STAG2: variants seen among roughly 807,000 people sequenced by gnomAD.
STAG2 encodes STAG2 cohesin complex component.
Under a neutral mutation model 108.1 loss-of-function variants are expected in STAG2, and 14 were observed. The observed-to-expected ratio is 0.13, with a 90% CI of 0.09 to 0.20. STAG2 has a LOEUF of 0.20. STAG2 is among the 10% of genes least tolerant of loss of function. The pLI is 1.00. For missense variants in STAG2, 440 were observed against 940.9 expected (o/e 0.47, Z 6.96); for synonymous variants, 307 against 302.7 (o/e 1.01, Z -0.15).
chrX:123,991,438 C>T (rs1389326890), intron 1 of STAG2, among the ~76,000 whole-genome samples: 2 of 110,246 alleles, frequency 1.8e-5, no homozygotes, highest in Non-Finnish European at 3.8e-5. Context: ...CTGCAACCTC[C>T]GCCTCCCGGG....
chrX:123,982,937 T>G (rs1442830743), intron 1 of STAG2, among the ~76,000 whole-genome samples: 1 of 111,018 alleles, frequency 9.0e-6, no homozygotes, highest in Non-Finnish European at 1.9e-5. Flanking sequence ...CATGAACATT[T>G]TTAAAGCTCT....
intron 1 of STAG2, among the ~76,000 whole-genome samples, chrX:124,018,380 C>G (rs886700608): frequency 9.0e-6 from 1 of 111,718 alleles, no homozygotes; most frequent in African/African-American, 3.3e-5. Flanking sequence ...CAGCTGAAGT[C>G]AAATGGTATT....
At chrX:123,981,498 G>C (rs2054874858) in intron 1 of STAG2, among the ~76,000 whole-genome samples, 1 of 111,713 alleles carries the variant, frequency 9.0e-6, no homozygotes, top group Non-Finnish European at 1.9e-5. Context: ...TTTTAAAAGT[G>C]AATAATATTC....
upstream of STAG2, chrX:123,960,602 CAAAAAAAAAAAAAA>C (rs1208693829): frequency 4.3e-4 from 3 of 7,012 alleles, no homozygotes; most frequent in Non-Finnish European, 7.2e-4. Context: ...GAAGCGCCAC[CAAAAAAAAAAAAAA>C]AAAAAAAAAA....
chrX:124,082,719 CTCCTT>C (rs926087434), intron 28 of STAG2, among the ~76,000 whole-genome samples: 3 of 111,579 alleles, frequency 2.7e-5, no homozygotes, highest in African/African-American at 9.8e-5. Flanking sequence ...AATTAACTCT[CTCCTT>C]TCACTTTCTT....
chrX:124,050,634 TAAAAAA>T (rs59817792), intron 11 of STAG2, among the ~76,000 whole-genome samples: 5 of 108,730 alleles, frequency 4.6e-5, no homozygotes, highest in African/African-American at 1.7e-4. Context: ...GCTATATACT[TAAAAAA>T]AAAATTATTC....
chrX:123,986,881 C>T (rs1173475888), intron 1 of STAG2, among the ~76,000 whole-genome samples: 1 of 110,194 alleles, frequency 9.1e-6, no homozygotes, highest in Non-Finnish European at 1.9e-5. Context: ...TGAAACAGGG[C>T]CTGCGCAGTT....
chrX:123,973,410 C>T (rs960266757), intron 1 of STAG2, among the ~76,000 whole-genome samples: 2 of 108,066 alleles, frequency 1.9e-5, no homozygotes, highest in African/African-American at 6.8e-5. Context: ...GGCATGGTGG[C>T]GCGTGCCTGT....
intron 1 of STAG2, among the ~76,000 whole-genome samples, chrX:124,014,368 T>A (rs976894973): frequency 9.6e-6 from 1 of 103,760 alleles, no homozygotes. Flanking sequence ...ATGTATAAAA[T>A]TTTTTTTTTT....
intron 32 of STAG2, among the ~76,000 whole-genome samples, chrX:124,093,417 C>CTTT (rs2059303090): frequency 9.3e-6 from 1 of 107,526 alleles, no homozygotes; most frequent in African/African-American, 3.4e-5. Context: ...TCTCTGTTTG[C>CTTT]CATGGTAGAC....
chrX:124,064,819 C>G (rs927853885), intron 20 of STAG2, among the ~76,000 whole-genome samples: 1 of 111,380 alleles, frequency 9.0e-6, no homozygotes, highest in African/African-American at 3.3e-5. Context: ...CCTGTGTTTT[C>G]TCTTGTATTT....
intron 1 of STAG2, among the ~76,000 whole-genome samples, chrX:124,002,865 A>G (rs1324810530): frequency 5.0e-5 from 5 of 99,582 alleles, no homozygotes; most frequent in Non-Finnish European, 1.0e-4. Flanking sequence ...CTTGTTGGCC[A>G]GGCTGGTCTT....
intron 1 of STAG2, among the ~76,000 whole-genome samples, chrX:123,969,979 T>A (rs1434089250): frequency 1.1e-4 from 11 of 97,640 alleles, no homozygotes; most frequent in Admixed American, 3.4e-4. Flanking sequence ...TTTTTTTTTT[T>A]AATTGTAACT....
At chrX:124,010,007 T>C (rs1569502182) in intron 1 of STAG2, among the ~76,000 whole-genome samples, 1 of 111,606 alleles carries the variant, frequency 9.0e-6, no homozygotes, top group African/African-American at 3.3e-5. Context: ...TCAGTAGTTA[T>C]ATGGTATGTG....
At position 124,071,129 on chromosome X, in the gene STAG2, T is replaced by C; in HGVS notation, c.2359-20T>C. ...CCTTGGATTATAGCATGCTTTCCTC[T>C]TTTTTTTTTTTTTAAATAGGCCTTC... On this transcript the variant is annotated intron_variant, in intron 24 of 34. Transcript: ENST00000371145. The C allele has an allele frequency of 4.4e-6, 1 of 227,478 alleles. No homozygotes were observed. The highest frequency in any genetic ancestry group is 1.5e-4 in the East Asian group (1 of 6,765). The allele number at this position is 227,478 out of a possible 1,213,427, so 18.7% of individuals were successfully genotyped here.
chrX:123,973,970 A>G (rs1351555184), intron 1 of STAG2, among the ~76,000 whole-genome samples: 1 of 111,553 alleles, frequency 9.0e-6, no homozygotes, highest in East Asian at 2.8e-4. Flanking sequence ...AAAAATACCT[A>G]TTAAAATACC....
chrX:124,011,216 A>C lies in STAG2; in HGVS notation c.-162-10151A>C, dbSNP rs141215039. ...TACAAGAATTTTGTGTGTTGATTTAATATCCTGCGACTTTATTGAATTTGT... is the reference window on the plus strand; with the variant it reads ...TACAAGAATTTTGTGTGTTGATTTACTATCCTGCGACTTTATTGAATTTGT... On this transcript the variant is annotated intron_variant, in intron 1 of 34. Transcript: ENST00000371145. Among the ~76,000 whole-genome samples, 440 of 112,008 alleles carry C rather than the reference A, an allele frequency of 3.9e-3. 1 individual carries two copies. Among genetic ancestry groups the C allele is most frequent in the African/African-American group, 0.013 (410 of 30,888 alleles).
At chrX:124,069,571 G>A (rs937248608) in intron 24 of STAG2, among the ~76,000 whole-genome samples, 1 of 111,359 alleles carries the variant, frequency 9.0e-6, no homozygotes, top group Admixed American at 9.6e-5. Flanking sequence ...AACATATTTG[G>A]ATTTTTATAG....
At chrX:124,010,612 G>A (rs1376444255) in intron 1 of STAG2, among the ~76,000 whole-genome samples, 6 of 111,334 alleles carry the variant, frequency 5.4e-5, no homozygotes, top group Non-Finnish European at 7.5e-5. Context: ...ACTTAGTGCC[G>A]TTCTTAGGTT....
Sources: gnomAD v4.1 joint callset for allele counts (sites outside exome capture counted in the v4.1 genomes callset) on GRCh38, gnomAD v4.1.1 for gene constraint, MANE v1.5 for transcripts, NCBI Gene and HGNC (gene_info 2026-07-23, HGNC 2026-07-21) for gene names.